PAK3: variants seen among roughly 807,000 people sequenced by gnomAD.
PAK3 encodes serine/threonine-protein kinase PAK 3.
PAK3 carries 4 observed loss-of-function variants against 41.0 expected under a neutral mutation model. That is an observed-to-expected ratio of 0.10 (90% CI 0.05 to 0.22). The LOEUF is 0.22. PAK3 is among the 10% of genes least tolerant of loss of function. PAK3 has a pLI of 1.00. For synonymous variants in PAK3, 146 were observed against 139.6 expected (o/e 1.05, Z -0.32); for missense variants, 205 against 409.9 (o/e 0.50, Z 4.32).
chrX:111,136,868 G>T (rs1380420167), intron 5 of PAK3, among the ~76,000 whole-genome samples: 1 of 111,927 alleles, frequency 8.9e-6, no homozygotes, highest in Admixed American at 9.5e-5. Context: ...TTATTGGTGG[G>T]CTCTAGATAT....
At chrX:111,103,989 C>G (rs747678297) in intron 4 of PAK3, among the ~76,000 whole-genome samples, 1 of 112,123 alleles carries the variant, frequency 8.9e-6, no homozygotes. Flanking sequence ...ATTGTAAGCT[C>G]TTCAAGGGCA....
At chrX:111,179,252 A>G (rs1276157475) in intron 11 of PAK3, among the ~76,000 whole-genome samples, 2 of 109,692 alleles carry the variant, frequency 1.8e-5, no homozygotes, top group Non-Finnish European at 3.8e-5. Flanking sequence ...CCTGACTTCC[A>G]TCTAAGATAT....
chrX:111,161,443 T>C lies in PAK3; in HGVS notation c.469-1472T>C, dbSNP rs763336904. Among the ~76,000 whole-genome samples the C allele has an allele frequency of 2.7e-5, 3 of 111,314 alleles. No homozygotes were observed. In the East Asian group the frequency reaches 8.5e-4, roughly 31 times the overall value. ...CCTGTTCATTCTGATGGTGGTTTCT[T>C]TTGCTGTGCAGAAGCTCTTTAGTTT... On this transcript the variant is annotated intron_variant, in intron 8 of 17. Coordinates refer to ENST00000372007, the MANE Select transcript of PAK3 (RefSeq NM_002578.5).
At chrX:111,204,330 T>C (rs964775345) in intron 16 of PAK3, among the ~76,000 whole-genome samples, 2 of 111,137 alleles carry the variant, frequency 1.8e-5, no homozygotes, top group East Asian at 5.7e-4. Context: ...ACTATTATGT[T>C]ATAATTTCTC....
chrX:111,128,698 T>C (rs1234137706), intron 5 of PAK3, among the ~76,000 whole-genome samples: 1 of 112,134 alleles, frequency 8.9e-6, no homozygotes, highest in Non-Finnish European at 1.9e-5. Flanking sequence ...GTGGTTTTCA[T>C]TTTTCTTTAA....
rs2092683532 is a variant in PAK3 at position 111,064,237 on chromosome X, CGTT to C, written c.-27-58838_-27-58836del. Among the ~76,000 whole-genome samples the C allele has an allele frequency of 3.6e-5, 4 of 111,843 alleles. No individual in the cohort carries two copies. The Admixed American group carries it at 3.8e-4, about 11-fold the overall frequency. ...GAATCATATATCTTTCCACAGGACT[CGTT>C]GAGGAAGAAAAGGAGATCATTTTAT... is the stretch of plus-strand genomic sequence containing the variant. On this transcript the variant is annotated intron_variant, in intron 1 of 14. Coordinates refer to the PAK3 transcript ENST00000425146.
intron 1 of PAK3, among the ~76,000 whole-genome samples, chrX:111,005,023 A>C (rs1199621230): frequency 1.8e-5 from 2 of 112,286 alleles, no homozygotes; most frequent in Non-Finnish European, 3.8e-5. Flanking sequence ...AGTTCTCTCG[A>C]ATATTAAAGA....
chrX:111,137,754 A>T (rs2093811629), intron 5 of PAK3, among the ~76,000 whole-genome samples: 1 of 111,668 alleles, frequency 9.0e-6, no homozygotes, highest in Non-Finnish European at 1.9e-5. Flanking sequence ...TCTCAAGGCC[A>T]AATGCTGTTT....
intron 1 of PAK3, among the ~76,000 whole-genome samples, chrX:110,989,161 A>G (rs2091597638): frequency 9.0e-6 from 1 of 111,620 alleles, no homozygotes; most frequent in South Asian, 3.8e-4. Flanking sequence ...CCAGTTCATT[A>G]TGGTCCTGTG....
chrX:110,956,238 G>A (rs1353440192), intron 1 of PAK3, among the ~76,000 whole-genome samples: 1 of 111,587 alleles, frequency 9.0e-6, no homozygotes, highest in African/African-American at 3.3e-5. Context: ...TGTGTAATGG[G>A]GATAATAATA....
At chrX:110,979,581 A>G (rs1217342490) in intron 1 of PAK3, among the ~76,000 whole-genome samples, 1 of 111,858 alleles carries the variant, frequency 8.9e-6, no homozygotes, top group Non-Finnish European at 1.9e-5. Flanking sequence ...GGCATGAGCC[A>G]CTGCACCCAG....
At chrX:111,199,200 G>A (rs2094650356) in intron 16 of PAK3, among the ~76,000 whole-genome samples, 1 of 111,729 alleles carries the variant, frequency 9.0e-6, no homozygotes. Flanking sequence ...TGCTGAAGTT[G>A]TTTGTTAGAT....
At chrX:111,119,072 A>T (rs1464694636) in intron 4 of PAK3, among the ~76,000 whole-genome samples, 1 of 110,664 alleles carries the variant, frequency 9.0e-6, no homozygotes, top group Admixed American at 9.6e-5. Context: ...TTGTGTGGGG[A>T]GTGGGGAGAA....
intron 1 of PAK3, among the ~76,000 whole-genome samples, chrX:110,986,318 T>C (rs1360473881): frequency 8.9e-6 from 1 of 111,789 alleles, no homozygotes; most frequent in Non-Finnish European, 1.9e-5. Context: ...GGATTGTATC[T>C]GCCACCTTCA....
chrX:111,148,396 C>T (rs765250640), intron 7 of PAK3, among the ~76,000 whole-genome samples: 1 of 112,073 alleles, frequency 8.9e-6, no homozygotes, highest in Non-Finnish European at 1.9e-5. Context: ...ATCCATGTTA[C>T]TGCCAAATCT....
At chrX:111,091,811 A>C (rs2092931650), upstream of PAK3, among the ~76,000 whole-genome samples, 1 of 112,188 alleles carries the variant, frequency 8.9e-6, no homozygotes, top group African/African-American at 3.2e-5. Flanking sequence ...AGGAGTAGGC[A>C]CTGTGCTCCT....
At chrX:111,117,097 A>T (rs1006422565) in intron 4 of PAK3, among the ~76,000 whole-genome samples, 2 of 112,042 alleles carry the variant, frequency 1.8e-5, no homozygotes, top group East Asian at 2.8e-4. Flanking sequence ...AAGAATTGGT[A>T]CAACTGGCCA....
In PAK3 at chrX:111,190,198, ACAAG is replaced by A. The variant is rs1226925553; in HGVS notation, c.831-1926_831-1923del. Among the ~76,000 whole-genome samples the A allele has an allele frequency of 2.7e-5, 3 of 111,191 alleles. No homozygotes were observed. The Admixed American group carries it at 2.9e-4, about 11-fold the overall frequency. On this transcript the variant is annotated intron_variant, in intron 11 of 17. Transcript: ENST00000372007. ...CCAGTTCCAATCGATATTTAGAAACACAAGCAGAGTGAGGAGGGTAGTAGAGTTG... is the reference window on the plus strand; with the variant it reads ...CCAGTTCCAATCGATATTTAGAAACACAGAGTGAGGAGGGTAGTAGAGTTG...
chrX:111,080,424 A>G (rs768412006), intron 1 of PAK3, among the ~76,000 whole-genome samples: 1 of 112,456 alleles, frequency 8.9e-6, no homozygotes, highest in South Asian at 3.7e-4. Context: ...TTTAACAACA[A>G]AGTACTTTTA....
Sources: allele counts gnomAD v4.1 joint callset (sites outside exome capture counted in the v4.1 genomes callset), GRCh38; gene constraint gnomAD v4.1.1; transcripts MANE v1.5; gene names NCBI Gene and HGNC (gene_info 2026-07-23, HGNC 2026-07-21).